The following AIM2 variants were observed in gnomAD, a reference collection of about 807,000 sequenced individuals.
AIM2 encodes the protein interferon-inducible protein AIM2.
AIM2 carries 30 observed loss-of-function variants against 27.7 expected under a neutral mutation model. The observed-to-expected ratio is 1.08, with a 90% CI of 0.81 to 1.47. The LOEUF (loss-of-function observed/expected upper bound fraction) is 1.47. Ranked by LOEUF, AIM2 falls within the 40% of genes most tolerant of loss-of-function variation. AIM2 has a pLI of 0.00. For missense variants in AIM2, 358 were observed against 411.3 expected, an observed-to-expected ratio of 0.87 and a Z score of 1.12; for synonymous variants, 141 against 145.3, an observed-to-expected ratio of 0.97 and a Z score of 0.21.
In AIM2 at chr1:159,084,778, T is replaced by TACACACACACACACAC. The variant is rs113134051; in HGVS notation, c.-15-18465_-15-18450dup. On this transcript the variant is annotated intron_variant, in intron 1 of 2. Transcript: ENST00000368129. ...TGACAGAGCAAAACCCTGTCTGAAA[T>TACACACACACACACAC]ACACACACACACACACACACACACA... 2.5e-3 allele frequency among the ~76,000 whole-genome samples: 341 copies of TACACACACACACACAC among 135,126 alleles called. 2 individuals are homozygous for TACACACACACACACAC. Among genetic ancestry groups the TACACACACACACACAC allele is most frequent in the Non-Finnish European group, 3.6e-3 (230 of 63,280 alleles). 88.6% of individuals were successfully genotyped at this position (135,126 alleles called of 152,430 possible).
At chr1:159,123,238 T>C (rs75794703) in intron 1 of AIM2, among the ~76,000 whole-genome samples, 19,095 of 152,196 alleles carry the variant, frequency 0.13, 1,496 homozygotes, top group Non-Finnish European at 0.17. Context: ...CTCTCTGCAT[T>C]TCCCTGATGA....
chr1:159,067,518 A>G (rs762385202), intron 3 of AIM2, among the ~76,000 whole-genome samples: 8 of 152,222 alleles, frequency 5.3e-5, no homozygotes, highest in Non-Finnish European at 1.0e-4. Flanking sequence ...GATGGGCAGC[A>G]TAACTGACTG....
chr1:159,138,778 T>C (rs1377517718), intron 1 of AIM2, among the ~76,000 whole-genome samples: 2 of 152,200 alleles, frequency 1.3e-5, no homozygotes, highest in African/African-American at 4.8e-5. Flanking sequence ...AATATATCCA[T>C]CAAATGCCTA....
At chr1:159,129,098 T>C (rs1647801846) in intron 1 of AIM2, among the ~76,000 whole-genome samples, 1 of 152,182 alleles carries the variant, frequency 6.6e-6, no homozygotes, top group African/African-American at 2.4e-5. Flanking sequence ...ATTGTAGATT[T>C]AGGGCGGGCC....
downstream of AIM2, among the ~76,000 whole-genome samples, chr1:159,061,498 T>C (rs1655833417): frequency 6.6e-6 from 1 of 151,802 alleles, no homozygotes; most frequent in East Asian, 1.9e-4. Flanking sequence ...GTTCAAGTGA[T>C]TCTCCTGCCT....
chr1:159,080,812 C>G (rs1025026079), upstream of AIM2, among the ~76,000 whole-genome samples: 2 of 152,118 alleles, frequency 1.3e-5, no homozygotes, highest in Non-Finnish European at 2.9e-5. Flanking sequence ...ATGCCTTCAA[C>G]AAACTTTAAA....
At chr1:159,146,455 T>C (rs535598463) in intron 1 of AIM2, among the ~76,000 whole-genome samples, 2 of 152,260 alleles carry the variant, frequency 1.3e-5, no homozygotes, top group South Asian at 2.1e-4. Context: ...TGTCTCCTTC[T>C]TCCTTGGGGT....
chr1:159,147,123 G>A (rs1233553565), upstream of AIM2: 1 of 152,130 alleles, frequency 6.6e-6, no homozygotes, highest in Non-Finnish European at 1.5e-5. Context: ...CTGGGACTGC[G>A]TGTGCCACTG....
chr1:159,083,698 C>T (rs947087604), intron 1 of AIM2, among the ~76,000 whole-genome samples: 1 of 152,312 alleles, frequency 6.6e-6, no homozygotes, highest in South Asian at 2.1e-4. Context: ...CTACATTCTA[C>T]ACCATTAATC....
At chr1:159,079,851 T>C (rs1656734602), upstream of AIM2, among the ~76,000 whole-genome samples, 1 of 152,208 alleles carries the variant, frequency 6.6e-6, no homozygotes, top group Non-Finnish European at 1.5e-5. Context: ...GTCATCTCTC[T>C]CCCGACAAAT....
intron 1 of AIM2, among the ~76,000 whole-genome samples, chr1:159,138,235 A>C (rs1259409460): frequency 2.0e-5 from 3 of 151,740 alleles, no homozygotes; most frequent in African/African-American, 4.8e-5. Context: ...TCTAATCCCA[A>C]CTCTTCCCAT....
At chr1:159,126,021 C>T (rs1647675476) in intron 1 of AIM2, among the ~76,000 whole-genome samples, 1 of 152,202 alleles carries the variant, frequency 6.6e-6, no homozygotes, top group East Asian at 1.9e-4. Flanking sequence ...TCAGTCCACT[C>T]CAATCTATTG....
intron 2 of AIM2, among the ~76,000 whole-genome samples, chr1:159,071,396 C>T (rs1656358105): frequency 6.6e-6 from 1 of 152,198 alleles, no homozygotes; most frequent in South Asian, 2.1e-4. Flanking sequence ...CATGGACACA[C>T]AAAAATTTCC....
intron 1 of AIM2, among the ~76,000 whole-genome samples, chr1:159,123,333 C>A (rs992841158): frequency 2.0e-5 from 3 of 152,202 alleles, no homozygotes; most frequent in Non-Finnish European, 2.9e-5. Context: ...AGCCAAGAGA[C>A]CTTAACTCAT....
At chr1:159,072,206 C>T (rs1248595171) in intron 2 of AIM2, among the ~76,000 whole-genome samples, 1 of 152,150 alleles carries the variant, frequency 6.6e-6, no homozygotes, top group Non-Finnish European at 1.5e-5. Context: ...ACTACACCTT[C>T]TAACTTAAAG....
At chr1:159,134,867 G>A (rs968055176) in intron 1 of AIM2, among the ~76,000 whole-genome samples, 5 of 152,000 alleles carry the variant, frequency 3.3e-5, no homozygotes, top group African/African-American at 4.8e-5. Flanking sequence ...CTTCATGCAC[G>A]GCATTCTCCC....
chr1:159,074,437 G>A (rs1053109289), intron 1 of AIM2, among the ~76,000 whole-genome samples: 3 of 151,410 alleles, frequency 2.0e-5, no homozygotes, highest in Admixed American at 6.6e-5. Context: ...TAAAAAGACT[G>A]TCATTTTTAA....
intron 1 of AIM2, among the ~76,000 whole-genome samples, chr1:159,098,586 A>T (rs538930673): frequency 6.6e-6 from 1 of 152,352 alleles, no homozygotes; most frequent in East Asian, 1.9e-4. Flanking sequence ...GATAAAAATA[A>T]GTACACAGGC....
At chr1:159,118,243 A>G (rs1381030223) in intron 1 of AIM2, among the ~76,000 whole-genome samples, 1 of 152,234 alleles carries the variant, frequency 6.6e-6, no homozygotes, top group Non-Finnish European at 1.5e-5. Context: ...AAACCAGAAT[A>G]AAACGAAGCA....
Sources: allele counts gnomAD v4.1 joint callset (sites outside exome capture counted in the v4.1 genomes callset), GRCh38; gene constraint gnomAD v4.1.1; transcripts MANE v1.5; gene names NCBI Gene and HGNC (gene_info 2026-07-23, HGNC 2026-07-21).